Variants in PPM1D observed in about 807,000 individuals in gnomAD.
The protein encoded by PPM1D is protein phosphatase, Mg2+/Mn2+ dependent 1D, also known as protein phosphatase 1D.
In PPM1D, 52 loss-of-function variants were observed where a neutral mutation model predicts 58.3. The ratio of observed to expected loss-of-function variants is 0.89; its 90% CI spans 0.71 to 1.12. The LOEUF (loss-of-function observed/expected upper bound fraction) is 1.12, where lower values mean the gene tolerates loss of function less well. Among genes scored for constraint, PPM1D ranks in the 50% most tolerant of loss-of-function variants. The pLI is 0.00. For missense variants in PPM1D, 564 were observed against 777.2 expected, an observed-to-expected ratio of 0.73 and a Z score of 3.26; for synonymous variants, 278 against 285.1, an observed-to-expected ratio of 0.98 and a Z score of 0.25.
At chr17:60,622,990 G>C (rs945323093) in intron 1 of PPM1D, among the ~76,000 whole-genome samples, 1 of 152,150 alleles carries the variant, frequency 6.6e-6, no homozygotes, top group African/African-American at 2.4e-5. Context: ...CCAGCTACTC[G>C]AGAGGCTGAG....
At chr17:60,601,062 C>G (rs1311389441) in intron 1 of PPM1D, among the ~76,000 whole-genome samples, 176 bp downstream of exon 1, 1 of 152,176 alleles carries the variant, frequency 6.6e-6, no homozygotes, top group Non-Finnish European at 1.5e-5. Flanking sequence ...AACCAAGCGG[C>G]CTTGGGGAAG....
rs114357684 is a variant in PPM1D at position 60,646,633 on chromosome 17, G to T, written c.827-1259G>T. 3.2e-3 allele frequency among the ~76,000 whole-genome samples: 485 copies of T among 152,286 alleles called. 2 individuals carry two copies. Among genetic ancestry groups the T allele is most frequent in the African/African-American group, 0.011 (467 of 41,572 alleles). ...CATTTATGTTGTCTTATATATTACA[G>T]AAAAGTAGATGGTTTCTATAAATCA... On this transcript the variant is annotated intron_variant, in intron 3 of 5. Transcript: ENST00000305921.
In PPM1D at chr17:60,633,558, T is replaced by G. The variant is rs373301910; in HGVS notation, c.702-295T>G. ...AGGCCTTCTGTCAACCCCCAATTGTTTACTAATTAGGTAGTGTTGCTTTTT... is the reference window on the plus strand; with the variant it reads ...AGGCCTTCTGTCAACCCCCAATTGTGTACTAATTAGGTAGTGTTGCTTTTT... On this transcript the variant is annotated intron_variant, in intron 2 of 5. Coordinates refer to ENST00000305921, the MANE Select transcript of PPM1D (RefSeq NM_003620.4). Among the ~76,000 whole-genome samples, 5 of 152,172 alleles carry G rather than the reference T, an allele frequency of 3.3e-5. No homozygotes were observed. The South Asian group carries it at 1.0e-3, about 32-fold the overall frequency.
intron 1 of PPM1D, among the ~76,000 whole-genome samples, chr17:60,606,327 G>T (rs1411412967): frequency 1.3e-5 from 2 of 152,066 alleles, no homozygotes; most frequent in African/African-American, 4.8e-5. Context: ...CCACTTTTTG[G>T]CTATTGTGAC....
intron 1 of PPM1D, among the ~76,000 whole-genome samples, chr17:60,613,890 G>GCCCCCCCCCCCCCC (rs61669650): frequency 7.3e-6 from 1 of 137,368 alleles, no homozygotes; most frequent in African/African-American, 2.9e-5. Flanking sequence ...CATACCTGAG[G>GCCCCCCCCCCCCCC]CCCCCCCCCC....
chr17:60,616,115 T>C (rs112542418), intron 1 of PPM1D, among the ~76,000 whole-genome samples: 7,080 of 152,060 alleles, frequency 0.047, 587 homozygotes, highest in African/African-American at 0.16. Flanking sequence ...AAGTGATTCT[T>C]GAGCCTCAGC....
chr17:60,623,894 C>T (rs1382568444), intron 2 of PPM1D, 145 bp downstream of exon 2: 3 of 728,256 alleles, frequency 4.1e-6, no homozygotes, highest in Non-Finnish European at 6.6e-6. Context: ...ATGTAATACT[C>T]ATGTATGTAT....
chr17:60,610,011 C>CTCT (rs1019464132), intron 1 of PPM1D, among the ~76,000 whole-genome samples: 42 of 152,064 alleles, frequency 2.8e-4, no homozygotes, highest in African/African-American at 9.4e-4. Context: ...GAAACCCTGT[C>CTCT]TCTACTAAAA....
chr17:60,647,823 T>G, intron 3 of PPM1D, 69 bp from the exon 4 acceptor site: 1 of 1,441,338 alleles, frequency 6.9e-7, no homozygotes, highest in East Asian at 2.3e-5. Context: ...ATTTTCTCTT[T>G]TAATCTGTTG....
At chr17:60,608,908 C>T (rs952727379) in intron 1 of PPM1D, among the ~76,000 whole-genome samples, 139 of 151,824 alleles carry the variant, frequency 9.2e-4, no homozygotes, top group African/African-American at 3.2e-3. Context: ...CCACCACGCC[C>T]GGCTAATTTT....
intron 1 of PPM1D, among the ~76,000 whole-genome samples, chr17:60,621,806 G>A (rs1432884001): frequency 2.1e-4 from 31 of 147,360 alleles, no homozygotes; most frequent in African/African-American, 7.2e-4. Context: ...TCCTGACCTC[G>A]TGATCCGCCC....
At position 60,628,696 on chromosome 17, in the gene PPM1D, C is replaced by T. The variant is rs143029141; in HGVS notation, c.701+4947C>T. On this transcript the variant is annotated intron_variant, in intron 2 of 5. Coordinates refer to ENST00000305921, the MANE Select transcript of PPM1D (RefSeq NM_003620.4). ...GTTATACAGATCTTGCAAATATTGA[C>T]ACTTTTTATTATACTATATAATATC... 4.0e-3 allele frequency among the ~76,000 whole-genome samples: 609 copies of T among 152,142 alleles called. 14 individuals are homozygous for T. Among genetic ancestry groups the T allele is most frequent in the Admixed American group, 0.027 (410 of 15,262 alleles).
At chr17:60,653,578 CA>C (rs2143712814) in intron 4 of PPM1D, among the ~76,000 whole-genome samples, 1 of 152,294 alleles carries the variant, frequency 6.6e-6, no homozygotes, top group South Asian at 2.1e-4. Flanking sequence ...TGAAGAATGT[CA>C]TTTCAATTTT....
intron 3 of PPM1D, among the ~76,000 whole-genome samples, chr17:60,640,622 C>T (rs1376855422): frequency 2.0e-5 from 3 of 152,050 alleles, no homozygotes; most frequent in East Asian, 1.9e-4. Context: ...GTTTGGGGTA[C>T]GATTGATTCC....
intron 1 of PPM1D, among the ~76,000 whole-genome samples, chr17:60,619,377 T>A (rs911766092): frequency 2.6e-5 from 4 of 152,192 alleles, no homozygotes; most frequent in African/African-American, 9.7e-5. Context: ...AGAGACTGAT[T>A]TCATTTTCTT....
intron 4 of PPM1D, among the ~76,000 whole-genome samples, chr17:60,656,042 GATAAAA>G (rs2031432917): frequency 6.6e-6 from 1 of 151,862 alleles, no homozygotes; most frequent in Non-Finnish European, 1.5e-5. Flanking sequence ...TGAGTTTCTT[GATAAAA>G]ATAAAAATAG....
chr17:60,633,454 C>T (rs2030967155), intron 2 of PPM1D, among the ~76,000 whole-genome samples: 1 of 152,122 alleles, frequency 6.6e-6, no homozygotes, highest in Non-Finnish European at 1.5e-5. Flanking sequence ...GTCATCCAGG[C>T]TGGAGTACAG....
At chr17:60,607,223 A>G (rs550770703) in intron 1 of PPM1D, among the ~76,000 whole-genome samples, 13 of 152,120 alleles carry the variant, frequency 8.5e-5, no homozygotes, top group Admixed American at 6.6e-4. Context: ...ACTCACATAT[A>G]TATGTTTACT....
intron 1 of PPM1D, among the ~76,000 whole-genome samples, chr17:60,604,227 CTT>C (rs1251668107): frequency 6.6e-6 from 1 of 152,184 alleles, no homozygotes; most frequent in African/African-American, 2.4e-5. Context: ...TCAGAAAACT[CTT>C]TAAATATTGG....
Sources: gnomAD v4.1 joint callset for allele counts (sites outside exome capture counted in the v4.1 genomes callset) on GRCh38, gnomAD v4.1.1 for gene constraint, MANE v1.5 for transcripts, NCBI Gene and HGNC (gene_info 2026-07-23, HGNC 2026-07-21) for gene names.